RAB28: variants seen among roughly 807,000 people sequenced by gnomAD.
RAB28 encodes the protein ras-related protein Rab-28.
A neutral mutation model predicts 31.7 loss-of-function variants in RAB28; 24 were observed. That is an observed-to-expected ratio of 0.76 (90% CI 0.55 to 1.06). The LOEUF (loss-of-function observed/expected upper bound fraction) is 1.06, where lower values mean the gene tolerates loss of function less well. Among genes scored for constraint, RAB28 ranks in the 50% least tolerant of loss-of-function variants. RAB28 has a pLI of 0.00. For synonymous variants in RAB28, 100 were observed against 90.4 expected (o/e 1.11, Z -0.60); for missense variants, 254 against 258.5 (o/e 0.98, Z 0.12).
Position 13,368,547 on chromosome 4 carries a change from GA to G in RAB28, c.*10del. 1 of 1,601,706 alleles carries G rather than the reference GA, an allele frequency of 6.2e-7. No individual in the cohort carries two copies. Among genetic ancestry groups the G allele is most frequent in the Admixed American group, 1.7e-5 (1 of 57,850 alleles). On this transcript the variant is annotated 3_prime_UTR_variant, in exon 7 of 7. Coordinates refer to ENST00000330852, the MANE Select transcript of RAB28 (RefSeq NM_001017979.3). ...GGCAGCCAGAACTATCAACACAAAA[GA>G]AAAATGCGCTCACTGAACTGCACAC...
chr4:13,455,379 A>C (rs1715240314), intron 4 of RAB28, among the ~76,000 whole-genome samples: 1 of 152,098 alleles, frequency 6.6e-6, no homozygotes, highest in African/African-American at 2.4e-5. Context: ...CTCTTACTTG[A>C]GTGTGGGCAG....
chr4:13,455,137 C>T (rs1334190353), intron 4 of RAB28, among the ~76,000 whole-genome samples: 1 of 152,190 alleles, frequency 6.6e-6, no homozygotes, highest in Non-Finnish European at 1.5e-5. Flanking sequence ...AGCTGTTTCT[C>T]AGGCAGGGGA....
At chr4:13,427,665 G>A (rs1428069560) in intron 4 of RAB28, among the ~76,000 whole-genome samples, 1 of 152,124 alleles carries the variant, frequency 6.6e-6, no homozygotes. Context: ...CGTGAATATG[G>A]CAGAACTCCA....
intron 4 of RAB28, among the ~76,000 whole-genome samples, chr4:13,409,728 A>T (rs2108908164): frequency 6.6e-6 from 1 of 152,346 alleles, no homozygotes; most frequent in South Asian, 2.1e-4. Flanking sequence ...CTCCTTATAA[A>T]TCATGCAAAA....
At chr4:13,442,051 C>G (rs1714445357) in intron 4 of RAB28, among the ~76,000 whole-genome samples, 1 of 152,114 alleles carries the variant, frequency 6.6e-6, no homozygotes, top group African/African-American at 2.4e-5. Context: ...CACAAACTCA[C>G]CAAAAAAGAA....
chr4:13,391,814 T>C (rs112874845), intron 4 of RAB28, among the ~76,000 whole-genome samples: 7,984 of 151,214 alleles, frequency 0.053, 420 homozygotes, highest in African/African-American at 0.14. Context: ...GACAGAAAAC[T>C]GAACACCGCA....
At chr4:13,370,255 G>A in intron 6 of RAB28, 14 of 965,062 alleles carry the variant, frequency 1.5e-5, no homozygotes, top group Non-Finnish European at 1.7e-5. Context: ...CAAATTGTAA[G>A]TTCCATTTTT....
chr4:13,464,160 G>T (rs11932621), intron 3 of RAB28, among the ~76,000 whole-genome samples: 2,309 of 152,032 alleles, frequency 0.015, 65 homozygotes, highest in African/African-American at 0.053. Context: ...ACTCCTAGGG[G>T]CCCCCTCAGT....
At chr4:13,442,999 A>C (rs951482194) in intron 4 of RAB28, among the ~76,000 whole-genome samples, 3 of 152,234 alleles carry the variant, frequency 2.0e-5, no homozygotes, top group Non-Finnish European at 4.4e-5. Context: ...AGTATAAAAT[A>C]AATATCCTTA....
intron 4 of RAB28, among the ~76,000 whole-genome samples, chr4:13,395,265 A>C (rs1729823440): frequency 1.3e-5 from 2 of 152,202 alleles, no homozygotes; most frequent in African/African-American, 4.8e-5. Context: ...ATAAATCATA[A>C]AAACCGGCCC....
intron 4 of RAB28, among the ~76,000 whole-genome samples, chr4:13,456,985 A>G (rs1282119491): frequency 3.9e-5 from 6 of 152,122 alleles, no homozygotes; most frequent in Non-Finnish European, 7.4e-5. Flanking sequence ...GGAAATGTGT[A>G]TTCACCCTCT....
In RAB28 at chr4:13,459,677, T is replaced by C. The variant is rs1484276142; in HGVS notation, c.391+1022A>G. 8.2e-6 allele frequency: 7 copies of C among 858,108 alleles called. No homozygotes were observed. The African/African-American group carries it at 1.3e-4, about 16-fold the overall frequency. 53.2% of individuals were successfully genotyped at this position (858,108 alleles called of 1,614,324 possible). A position where few individuals can be genotyped will look rare whatever the true frequency, so the allele number is the denominator to read the frequency against. ...AACCACTCTTCTCCCTAGTACACTC[T>C]TTCTCAAAAAAAAAAAATTATATTT... On this transcript the variant is annotated intron_variant, in intron 4 of 6. Transcript: ENST00000330852.
chr4:13,372,113 T>C (rs975991909), intron 6 of RAB28, among the ~76,000 whole-genome samples: 2 of 152,116 alleles, frequency 1.3e-5, no homozygotes, highest in African/African-American at 4.8e-5. Flanking sequence ...CTGTCATTCA[T>C]TCAAAGCCAA....
At chr4:13,464,416 C>A (rs189883850) in intron 3 of RAB28, among the ~76,000 whole-genome samples, 1 of 152,094 alleles carries the variant, frequency 6.6e-6, no homozygotes, top group Non-Finnish European at 1.5e-5. Flanking sequence ...CCCCTGTAGC[C>A]GGTCTGTCTC....
At position 13,469,808 on chromosome 4, in the gene RAB28, C is replaced by T. The variant is rs182951804; in HGVS notation, c.261+4510G>A. Among the ~76,000 whole-genome samples the T allele has an allele frequency of 1.1e-4, 16 of 152,122 alleles. No individual in the cohort carries two copies. In the East Asian group the frequency reaches 3.1e-3, roughly 30 times the overall value. On this transcript the variant is annotated intron_variant, in intron 3 of 6. Transcript: ENST00000330852. ...GACTCAAATAATCCTCCCATCTCAG[C>T]CTCTCTAGTAGCTAGGACTACAGGC...
At position 13,483,782 on chromosome 4, in the gene RAB28, T is replaced by A. The variant is rs930458280; in HGVS notation, c.75+294A>T. ...AGAGGAGCTAAGATGCCTTGGCAAA[T>A]CCCTGCCAGTCCTGAGAGGCGGGAA... is the stretch of plus-strand genomic sequence containing the variant. On this transcript the variant is annotated intron_variant, in intron 1 of 6. Coordinates refer to ENST00000330852, the MANE Select transcript of RAB28 (RefSeq NM_001017979.3). Among the ~76,000 whole-genome samples the A allele has an allele frequency of 2.0e-5, 3 of 152,146 alleles. No individual in the cohort carries two copies. The East Asian group carries it at 5.8e-4, about 29-fold the overall frequency.
chr4:13,464,410 T>C (rs1715743032), intron 3 of RAB28, among the ~76,000 whole-genome samples: 1 of 152,116 alleles, frequency 6.6e-6, no homozygotes, highest in African/African-American at 2.4e-5. Flanking sequence ...TCCAGCCCCC[T>C]GTAGCCGGTC....
At chr4:13,439,613 C>A (rs1029169552) in intron 4 of RAB28, among the ~76,000 whole-genome samples, 1 of 152,200 alleles carries the variant, frequency 6.6e-6, no homozygotes, top group Non-Finnish European at 1.5e-5. Context: ...TCCCAAAGTG[C>A]TGAGATTACC....
chr4:13,438,784 AG>A (rs1374230884), intron 4 of RAB28, among the ~76,000 whole-genome samples: 2 of 151,962 alleles, frequency 1.3e-5, no homozygotes, highest in Non-Finnish European at 2.9e-5. Flanking sequence ...GAAGATACCT[AG>A]GAGTAGAACT....
Sources: gnomAD v4.1 joint callset for allele counts (sites outside exome capture counted in the v4.1 genomes callset) on GRCh38, gnomAD v4.1.1 for gene constraint, MANE v1.5 for transcripts, NCBI Gene and HGNC (gene_info 2026-07-23, HGNC 2026-07-21) for gene names.